The following ANKRD44 variants were observed in gnomAD, a reference collection of about 807,000 sequenced individuals.
ANKRD44 encodes the protein ankyrin repeat domain 44.
Under a neutral mutation model 116.0 loss-of-function variants are expected in ANKRD44, and 35 were observed. That is an observed-to-expected ratio of 0.30 (90% confidence interval 0.23 to 0.40). The LOEUF is 0.40. ANKRD44 is among the 10% of genes least tolerant of loss of function. The pLI is 1.00. For synonymous variants in ANKRD44, 435 were observed against 461.8 expected (o/e 0.94, Z 0.74); for missense variants, 1,014 against 1,242.6 (o/e 0.82, Z 2.77).
rs564055566 is a variant in ANKRD44, at chr2:197,024,614, T to G, written c.1722+582A>C. Among the ~76,000 whole-genome samples, 9 of 152,300 alleles carry G rather than the reference T, an allele frequency of 5.9e-5. No homozygotes were observed. In the East Asian group the frequency reaches 1.7e-3, roughly 29 times the overall value. On this transcript the variant is annotated intron_variant, in intron 17 of 27. Transcript: ENST00000282272. ...TTACTGGGATGTGGAGAGGAAGCGT[T>G]ACTGGTGATAAAATAACTCTTCTTC...
intron 3 of ANKRD44, among the ~76,000 whole-genome samples, chr2:197,138,684 A>T (rs2079280500): frequency 6.6e-6 from 1 of 152,222 alleles, no homozygotes; most frequent in African/African-American, 2.4e-5. Context: ...ATGTATGACC[A>T]CATTGTGTGG....
chr2:197,297,302 C>T (rs2083751648), intron 1 of ANKRD44, among the ~76,000 whole-genome samples: 1 of 152,166 alleles, frequency 6.6e-6, no homozygotes, highest in East Asian at 1.9e-4. Flanking sequence ...CAAACAAACT[C>T]TTTCTACCAA....
intron 1 of ANKRD44, among the ~76,000 whole-genome samples, chr2:197,278,620 G>A (rs904870129): frequency 2.0e-5 from 3 of 152,338 alleles, no homozygotes; most frequent in South Asian, 2.1e-4. Flanking sequence ...TCAGGCATGG[G>A]CCACTGCGCC....
downstream of ANKRD44, among the ~76,000 whole-genome samples, chr2:196,985,678 G>C (rs892822831): frequency 3.3e-5 from 5 of 152,188 alleles, no homozygotes; most frequent in African/African-American, 1.2e-4. Flanking sequence ...CTGGTGATGT[G>C]ACTGGGCTGG....
rs772600059 is a variant in ANKRD44 at position 197,125,904 on chromosome 2, C to G, written c.395G>C (p.Ser132Thr). The change falls in exon 5 of 28, where the codon AGT becomes ACT. Residue 132 changes from serine to threonine, a missense_variant. Transcript: ENST00000282272. ...CCCCCCTCGGTCGGAGACATTGACA[C>G]TGCTCAGCAGGGGAATGATCACTTC... ...CAEVIIPLLS[S>T]VNVSDRGGRT... is the part of the protein sequence containing the mutation. 6.2e-7 allele frequency: 1 copy of G among 1,614,234 alleles called. No individual in the cohort carries two copies. The highest frequency in any genetic ancestry group is 8.5e-7 in the Non-Finnish European group (1 of 1,180,042).
At chr2:197,282,662 A>G (rs924315751) in intron 1 of ANKRD44, among the ~76,000 whole-genome samples, 4 of 152,066 alleles carry the variant, frequency 2.6e-5, no homozygotes, top group African/African-American at 9.7e-5. Flanking sequence ...TATACTAAAA[A>G]CTTTAATCCC....
chr2:197,310,036 G>A (rs1381784770), intron 1 of ANKRD44, among the ~76,000 whole-genome samples: 1 of 152,100 alleles, frequency 6.6e-6, no homozygotes, highest in African/African-American at 2.4e-5. Flanking sequence ...TCCCCATCCC[G>A]CACCACGCAC....
At chr2:197,165,809 T>G (rs1334448660) in intron 2 of ANKRD44, among the ~76,000 whole-genome samples, 1 of 152,242 alleles carries the variant, frequency 6.6e-6, no homozygotes, top group Non-Finnish European at 1.5e-5. Context: ...ACGTGATAGC[T>G]TTTAAACTTG....
intron 9 of ANKRD44, among the ~76,000 whole-genome samples, chr2:197,100,411 G>A (rs1047580723): frequency 6.6e-6 from 1 of 152,042 alleles, no homozygotes; most frequent in African/African-American, 2.4e-5. Context: ...CTCCAGCCTG[G>A]GCGACAGAGC....
chr2:197,025,559 C>T (rs1324032147), intron 16 of ANKRD44, among the ~76,000 whole-genome samples: 2 of 152,196 alleles, frequency 1.3e-5, no homozygotes, highest in Non-Finnish European at 2.9e-5. Context: ...CACACATTTA[C>T]TGCAGATAGT....
At chr2:197,179,841 G>A (rs1306745516) in intron 2 of ANKRD44, among the ~76,000 whole-genome samples, 1 of 152,218 alleles carries the variant, frequency 6.6e-6, no homozygotes, top group African/African-American at 2.4e-5. Context: ...AGCCTGCTCA[G>A]TGCTGCCTGG....
chr2:197,209,339 G>C lies in ANKRD44; in HGVS notation c.28-22233C>G, dbSNP rs555766011. 2.0e-5 allele frequency among the ~76,000 whole-genome samples: 3 copies of C among 152,306 alleles called. No homozygotes were observed. The South Asian group carries it at 6.2e-4, about 32-fold the overall frequency. ...CAGCCCTGCTAAATCATTTACCAGA[G>C]TAAACCTGGCTTGAAAACACTTTCA... On this transcript the variant is annotated intron_variant, in intron 1 of 27. Transcript: ENST00000282272.
At chr2:197,050,421 GT>G (rs1314505630) in intron 16 of ANKRD44, among the ~76,000 whole-genome samples, 1 of 150,220 alleles carries the variant, frequency 6.7e-6, no homozygotes, top group East Asian at 1.9e-4. Flanking sequence ...ATTGTTTTTT[GT>G]TTTTGCTTTT....
intron 1 of ANKRD44, among the ~76,000 whole-genome samples, chr2:197,283,136 T>C (rs1406357845): frequency 6.6e-6 from 1 of 152,218 alleles, no homozygotes; most frequent in African/African-American, 2.4e-5. Flanking sequence ...ACCCACAGGA[T>C]AGGTTAGTTT....
rs1370045996 is a variant in ANKRD44, at chr2:197,187,224, A to G, written c.28-118T>C. On this transcript the variant is annotated intron_variant, in intron 1 of 27. Transcript: ENST00000282272. Reference sequence around the variant, plus strand: ...TTATTGAACCATTATCAGTTGGCAGACAAAGATGAATAAGACTCAGACCAA... The same window carrying G: ...TTATTGAACCATTATCAGTTGGCAGGCAAAGATGAATAAGACTCAGACCAA... 9 of 972,388 alleles carry G rather than the reference A, an allele frequency of 9.3e-6. No individual in the cohort carries two copies. In the East Asian group the frequency reaches 2.3e-4, roughly 25 times the overall value. The allele number at this position is 972,388 out of a possible 1,614,324, so 60.2% of individuals were successfully genotyped here. A position where few individuals can be genotyped will look rare whatever the true frequency, so the allele number is the denominator to read the frequency against.
Position 197,067,148 on chromosome 2 carries a change from A to G in ANKRD44, c.1650+11555T>C, listed in dbSNP as rs2077452135. On this transcript the variant is annotated intron_variant, in intron 16 of 27. Transcript: ENST00000282272. The stretch of plus-strand genomic sequence containing the variant: ...AATACCACACATCTACAACTATCTG[A>G]TCTTTGACAAACCTGACAAAAACAA... Among the ~76,000 whole-genome samples, 7 of 152,266 alleles carry G rather than the reference A, an allele frequency of 4.6e-5. No homozygotes were observed. The South Asian group carries it at 1.2e-3, about 27-fold the overall frequency.
At chr2:197,200,750 A>G (rs1279865457) in intron 1 of ANKRD44, among the ~76,000 whole-genome samples, 1 of 152,194 alleles carries the variant, frequency 6.6e-6, no homozygotes, top group East Asian at 1.9e-4. Flanking sequence ...ACATGAAAGA[A>G]AGCAATAATG....
intron 2 of ANKRD44, among the ~76,000 whole-genome samples, chr2:197,160,730 C>A (rs1027736920): frequency 2.0e-5 from 3 of 152,234 alleles, no homozygotes; most frequent in Admixed American, 2.0e-4. Context: ...CCTTTCCCAT[C>A]CAGTCTCAAT....
chr2:197,157,175 T>TA (rs34597748), intron 2 of ANKRD44, among the ~76,000 whole-genome samples: 110,152 of 151,878 alleles, frequency 0.73, 41,638 homozygotes, highest in East Asian at 0.95. Flanking sequence ...TTACGTAAAG[T>TA]AAAAAAAGGC....
Sources: allele counts gnomAD v4.1 joint callset (sites outside exome capture counted in the v4.1 genomes callset), GRCh38; gene constraint gnomAD v4.1.1; transcripts MANE v1.5; gene names NCBI Gene and HGNC (gene_info 2026-07-23, HGNC 2026-07-21).